PAM: variants seen among roughly 807,000 people sequenced by gnomAD.
PAM encodes the protein peptidylglycine alpha-amidating monooxygenase, also known as peptidyl-glycine alpha-amidating monooxygenase.
A neutral mutation model predicts 122.1 loss-of-function variants in PAM; 72 were observed. The observed-to-expected ratio is 0.59, with a 90% confidence interval of 0.49 to 0.72. PAM has a LOEUF of 0.72. Ranked by LOEUF, PAM falls within the 30% of genes least tolerant of loss-of-function variation. PAM has a pLI of 0.00. For missense variants in PAM, 1,106 were observed against 1,183.7 expected, an observed-to-expected ratio of 0.93 and a Z score of 0.96; for synonymous variants, 389 against 404.4, an observed-to-expected ratio of 0.96 and a Z score of 0.46.
At chr5:103,025,078 G>A (rs891694274) in intron 23 of PAM, 53 bp from the exon 24 acceptor site, 1 of 1,285,130 alleles carries the variant, frequency 7.8e-7, no homozygotes, top group African/African-American at 1.5e-5. Flanking sequence ...TGGGTAAGGG[G>A]GTTTTGAAAT....
intron 1 of PAM, among the ~76,000 whole-genome samples, chr5:102,840,060 A>G (rs1397002299): frequency 1.3e-5 from 2 of 152,206 alleles, no homozygotes; most frequent in Admixed American, 1.3e-4. Context: ...TTCAAATATT[A>G]TCTACATACC....
intron 1 of PAM, among the ~76,000 whole-genome samples, chr5:102,862,634 C>T (rs1784487025): frequency 2.0e-5 from 3 of 152,182 alleles, no homozygotes; most frequent in African/African-American, 7.2e-5. Flanking sequence ...CCCCAGCATT[C>T]AGAGTCTCAG....
At chr5:103,008,185 A>G (rs1779602246) in intron 20 of PAM, among the ~76,000 whole-genome samples, 2 of 123,964 alleles carry the variant, frequency 1.6e-5, no homozygotes, top group South Asian at 4.6e-4. Context: ...CTGAAAAATA[A>G]TTCAGACTAA....
chr5:102,907,643 G>C (rs1296867434), intron 4 of PAM, among the ~76,000 whole-genome samples: 2 of 150,700 alleles, frequency 1.3e-5, no homozygotes, highest in Non-Finnish European at 3.0e-5. Flanking sequence ...GTTGTTTCCT[G>C]ACTTTTTAAT....
chr5:102,793,759 T>C (rs907001634), intron 1 of PAM, among the ~76,000 whole-genome samples: 2 of 152,234 alleles, frequency 1.3e-5, no homozygotes, highest in African/African-American at 4.8e-5. Context: ...TAAGTAATTA[T>C]AGCAAGTATT....
chr5:103,009,879 A>G lies in PAM; in HGVS notation c.2331+13A>G, dbSNP rs1455922401. On this transcript the variant is annotated intron_variant, in intron 21 of 25. Transcript: ENST00000438793. ...GCCAGTGCGCAAGGTATTTACACACATTGTCTAGGTTTCAATTTTCATGAG... is the reference window on the plus strand; with the variant it reads ...GCCAGTGCGCAAGGTATTTACACACGTTGTCTAGGTTTCAATTTTCATGAG... 1.5e-6 allele frequency: 2 copies of G among 1,348,910 alleles called. No homozygotes were observed. The highest frequency in any genetic ancestry group is 2.4e-5 in the East Asian group (1 of 41,646). 83.6% of individuals were successfully genotyped at this position (1,348,910 alleles called of 1,614,324 possible).
At position 102,790,190 on chromosome 5, in the gene PAM, T is replaced by C. The variant is rs1216979715; in HGVS notation, c.-374+34842T>C. On this transcript the variant is annotated intron_variant, in intron 1 of 25. Transcript: ENST00000438793. ...TCTGCTTACATGCTCAGTGAACAGATAGAAAACACAGCATTTAAAATACAA... is the reference window on the plus strand; with the variant it reads ...TCTGCTTACATGCTCAGTGAACAGACAGAAAACACAGCATTTAAAATACAA... Among the ~76,000 whole-genome samples the C allele has an allele frequency of 2.0e-5, 3 of 152,080 alleles. No homozygotes were observed. In the East Asian group the frequency reaches 5.8e-4, roughly 29 times the overall value.
rs1200278048 is a variant in PAM at position 102,866,080 on chromosome 5, C to A, written c.-116C>A. On this transcript the variant is annotated 5_prime_UTR_variant, in exon 2 of 26. Coordinates refer to ENST00000438793, the MANE Select transcript of PAM (RefSeq NM_001177306.2). ...ATGGTGTGTGGCCGCCGCAGGACGC[C>A]CGCCGTGCCCGGGCCATGAAGTAGC... 1.7e-6 allele frequency: 1 copy of A among 578,384 alleles called. No individual in the cohort carries two copies. The highest frequency in any genetic ancestry group is 3.3e-5 in the East Asian group (1 of 30,476). 35.8% of individuals were successfully genotyped at this position (578,384 alleles called of 1,614,324 possible). A position where few individuals can be genotyped will look rare whatever the true frequency, so the allele number is the denominator to read the frequency against.
rs570821726 is a variant in PAM, at chr5:102,978,411, A to G, written c.1483+3975A>G. On this transcript the variant is annotated intron_variant, in intron 15 of 25. Coordinates refer to ENST00000438793, the MANE Select transcript of PAM (RefSeq NM_001177306.2). ...TATCATTAATAGTTTAGATAGAGAT[A>G]GCATTAATAGAGTAGAAACAAAATC... 3.3e-5 allele frequency among the ~76,000 whole-genome samples: 5 copies of G among 152,322 alleles called. No individual in the cohort carries two copies. In the South Asian group the frequency reaches 1.0e-3, roughly 32 times the overall value.
At chr5:102,985,104 A>G (rs958824323) in intron 15 of PAM, among the ~76,000 whole-genome samples, 1 of 152,136 alleles carries the variant, frequency 6.6e-6, no homozygotes, top group African/African-American at 2.4e-5. Flanking sequence ...GGGAGTTTGT[A>G]GCAGTAAATA....
At chr5:102,972,990 T>C (rs1446837240) in intron 14 of PAM, among the ~76,000 whole-genome samples, 1 of 152,244 alleles carries the variant, frequency 6.6e-6, no homozygotes, top group Non-Finnish European at 1.5e-5. Context: ...TTCTTAATAA[T>C]ATATTCTTCA....
chr5:102,995,542 A>C (rs1775458902), intron 16 of PAM, among the ~76,000 whole-genome samples: 1 of 151,312 alleles, frequency 6.6e-6, no homozygotes, highest in African/African-American at 2.5e-5. Context: ...AGACGTTTGA[A>C]CTCCCTGATT....
At chr5:102,960,088 T>A (rs749295628) in intron 13 of PAM, 29 bp downstream of exon 13, 1 of 1,227,778 alleles carries the variant, frequency 8.1e-7, no homozygotes, top group Non-Finnish European at 1.2e-6. Context: ...TATAAAGTAA[T>A]ATATGATTTT....
At chr5:102,779,417 T>A (rs1758013641) in intron 1 of PAM, among the ~76,000 whole-genome samples, 1 of 152,124 alleles carries the variant, frequency 6.6e-6, no homozygotes, top group Non-Finnish European at 1.5e-5. Flanking sequence ...AATAACAGTA[T>A]GTGTGACAGC....
intron 1 of PAM, among the ~76,000 whole-genome samples, chr5:102,826,493 G>A (rs1488479996): frequency 6.6e-6 from 1 of 152,154 alleles, no homozygotes; most frequent in East Asian, 1.9e-4. Context: ...TAGACATACG[G>A]TAGATTTTTT....
rs79722669 is a variant in PAM, at chr5:102,917,898, A to G, written c.356+3877A>G. 8.0e-3 allele frequency among the ~76,000 whole-genome samples: 1,225 copies of G among 152,310 alleles called. 22 individuals carry two copies. Among genetic ancestry groups the G allele is most frequent in the African/African-American group, 0.028 (1,144 of 41,570 alleles). ...CAGCATGAAGCAGTTTTCATTATAT[A>G]GTGATTTTAATTTTAAAGTTTTTTT... On this transcript the variant is annotated intron_variant, in intron 5 of 25. Coordinates refer to ENST00000438793, the MANE Select transcript of PAM (RefSeq NM_001177306.2).
At chr5:102,949,466 T>G in intron 9 of PAM, 71 bp from the exon 10 acceptor site, 1 of 828,436 alleles carries the variant, frequency 1.2e-6, no homozygotes, top group Non-Finnish European at 2.2e-6. Context: ...ACCCTATGCA[T>G]AATTTTAGAT....
At chr5:102,800,865 C>G (rs975276092) in intron 1 of PAM, among the ~76,000 whole-genome samples, 1 of 152,062 alleles carries the variant, frequency 6.6e-6, no homozygotes, top group Non-Finnish European at 1.5e-5. Context: ...TAATATTTTA[C>G]AGGAATGCAT....
chr5:102,809,342 C>T (rs1349421389), intron 1 of PAM, among the ~76,000 whole-genome samples: 2 of 141,184 alleles, frequency 1.4e-5, no homozygotes, highest in African/African-American at 2.7e-5. Flanking sequence ...CAAGCAAGAC[C>T]TGTCTCTACC....
Sources: gnomAD v4.1 joint callset for allele counts (sites outside exome capture counted in the v4.1 genomes callset) on GRCh38, gnomAD v4.1.1 for gene constraint, MANE v1.5 for transcripts, NCBI Gene and HGNC (gene_info 2026-07-23, HGNC 2026-07-21) for gene names.